The following RASAL2 variants were observed in gnomAD, a reference collection of about 807,000 sequenced individuals.
RASAL2 encodes RAS protein activator like 2.
Under a neutral mutation model 128.9 loss-of-function variants are expected in RASAL2, and 58 were observed. That is an observed-to-expected ratio of 0.45 (90% CI 0.36 to 0.56). RASAL2 has a LOEUF of 0.56. Ranked by LOEUF, RASAL2 falls within the 20% of genes least tolerant of loss-of-function variation. RASAL2 has a pLI of 0.00. For synonymous variants in RASAL2, 561 were observed against 580.8 expected (o/e 0.97, Z 0.49); for missense variants, 1,360 against 1,601.6 (o/e 0.85, Z 2.57).
Position 178,336,381 on chromosome 1 carries a change from C to T in RASAL2, c.457+36263C>T, listed in dbSNP as rs561741679. ...CCAAAGACTGATTGTACCATAAGAT[C>T]TATGCTTTTTCTAAATAGATTTTAT... is the stretch of plus-strand genomic sequence containing the variant. On this transcript the variant is annotated intron_variant, in intron 3 of 17. Transcript: ENST00000367649. Among the ~76,000 whole-genome samples the T allele has an allele frequency of 2.6e-5, 4 of 152,010 alleles. No individual in the cohort carries two copies. The South Asian group carries it at 8.3e-4, about 32-fold the overall frequency.
At chr1:178,267,162 A>G (rs1288415739) in intron 1 of RASAL2, among the ~76,000 whole-genome samples, 2 of 152,202 alleles carry the variant, frequency 1.3e-5, no homozygotes, top group Non-Finnish European at 2.9e-5. Context: ...TTAACAGATT[A>G]CATTGACTTT....
intron 3 of RASAL2, among the ~76,000 whole-genome samples, chr1:178,319,096 T>C (rs1325295360): frequency 6.6e-6 from 1 of 152,218 alleles, no homozygotes; most frequent in Non-Finnish European, 1.5e-5. Context: ...GAAAATTCTT[T>C]TCTTTAAGAA....
rs987973271 is a variant in RASAL2, at chr1:178,452,267, A to G, written c.1773-149A>G. On this transcript the variant is annotated intron_variant, in intron 10 of 17. Coordinates refer to ENST00000367649, the MANE Select transcript of RASAL2 (RefSeq NM_170692.4). ...AATTTTCCACCGCCTCTCAGCCATG[A>G]ATCAGGTAAAACCTCATCCCGGAAT... The G allele has an allele frequency of 4.4e-6, 3 of 687,918 alleles. No homozygotes were observed. In the African/African-American group the frequency reaches 5.4e-5, roughly 12 times the overall value. 42.6% of individuals were successfully genotyped at this position (687,918 alleles called of 1,614,324 possible).
intron 1 of RASAL2, among the ~76,000 whole-genome samples, chr1:178,276,713 C>T (rs978755440): frequency 5.3e-5 from 8 of 151,982 alleles, no homozygotes; most frequent in East Asian, 3.9e-4. Flanking sequence ...ATCATCTCCA[C>T]GTAACAACTC....
rs569694024 is a variant in RASAL2 at position 178,389,959 on chromosome 1, T to C, written c.458-141T>C. ...CTTGATAGTTTAAGCACCTCAAAGA[T>C]AGATAAATTATGTGAGATAGAATGT... On this transcript the variant is annotated intron_variant, in intron 3 of 17. Transcript: ENST00000367649. 2.4e-4 allele frequency: 136 copies of C among 556,484 alleles called. No individual in the cohort carries two copies. The African/African-American group carries it at 2.5e-3, about 10-fold the overall frequency. The allele number at this position is 556,484 out of a possible 1,614,324, so 34.5% of individuals were successfully genotyped here. A position where few individuals can be genotyped will look rare whatever the true frequency, so the allele number is the denominator to read the frequency against.
At chr1:178,260,391 T>A (rs71514845) in intron 1 of RASAL2, among the ~76,000 whole-genome samples, 1,818 of 46,814 alleles carry the variant, frequency 0.039, 468 homozygotes, top group Middle Eastern at 0.082. Context: ...TATATATATA[T>A]ATATATATAT....
chr1:178,408,612 G>GTTTTTTTTTTTTT lies in RASAL2; in HGVS notation c.565-11893_565-11892insTTTTTTTTTTTTT, dbSNP rs756656921. Among the ~76,000 whole-genome samples the GTTTTTTTTTTTTT allele has an allele frequency of 5.9e-4, 84 of 142,254 alleles. 1 individual carries two copies. Among genetic ancestry groups the GTTTTTTTTTTTTT allele is most frequent in the African/African-American group, 2.2e-3 (78 of 34,680 alleles). The allele number at this position is 142,254 out of a possible 152,430, so 93.3% of individuals were successfully genotyped here. A position where few individuals can be genotyped will look rare whatever the true frequency, so the allele number is the denominator to read the frequency against. Reference sequence around the variant, plus strand: ...GTTGTTGTTTGGTTGGTTTTTTTTTGTTTTTTGTTTTTTGTTTTGCTTCTC... The same window carrying GTTTTTTTTTTTTT: ...GTTGTTGTTTGGTTGGTTTTTTTTTGTTTTTTTTTTTTTTTTTTTGTTTTTTGTTTTGCTTCTC... On this transcript the variant is annotated intron_variant, in intron 4 of 17. Transcript: ENST00000367649.
intron 1 of RASAL2, among the ~76,000 whole-genome samples, chr1:178,261,653 G>A (rs973706703): frequency 5.9e-5 from 9 of 152,118 alleles, no homozygotes; most frequent in Non-Finnish European, 1.0e-4. Flanking sequence ...TGGGCGTGGT[G>A]ACTCAACGCG....
chr1:178,265,958 A>G (rs1399146008), intron 1 of RASAL2, among the ~76,000 whole-genome samples: 1 of 152,214 alleles, frequency 6.6e-6, no homozygotes, highest in Non-Finnish European at 1.5e-5. Flanking sequence ...TCTCCCTGGT[A>G]TATAGTATTT....
chr1:178,195,387 T>C (rs1217805564), intron 1 of RASAL2, among the ~76,000 whole-genome samples: 1 of 152,238 alleles, frequency 6.6e-6, no homozygotes, highest in Non-Finnish European at 1.5e-5. Flanking sequence ...TGTGAATTAG[T>C]GTAAGGTTAA....
chr1:178,325,534 T>C (rs1182222821), intron 3 of RASAL2, among the ~76,000 whole-genome samples: 1 of 152,134 alleles, frequency 6.6e-6, no homozygotes, highest in Non-Finnish European at 1.5e-5. Context: ...AGATAATACA[T>C]TGGGTGTGAC....
At chr1:178,423,916 T>C (rs1213536215) in intron 5 of RASAL2, among the ~76,000 whole-genome samples, 1 of 152,054 alleles carries the variant, frequency 6.6e-6, no homozygotes, top group Non-Finnish European at 1.5e-5. Flanking sequence ...TTAATAAAAT[T>C]TTTCTCCCAA....
intron 2 of RASAL2, among the ~76,000 whole-genome samples, chr1:178,292,918 G>C (rs893332721): frequency 6.6e-6 from 1 of 152,044 alleles, no homozygotes; most frequent in Non-Finnish European, 1.5e-5. Context: ...TAGGCAGCAA[G>C]GCATTTAAAA....
chr1:178,279,616 A>T (rs1249425188), intron 1 of RASAL2, among the ~76,000 whole-genome samples: 1 of 152,166 alleles, frequency 6.6e-6, no homozygotes, highest in Non-Finnish European at 1.5e-5. Flanking sequence ...TGATAGTTTA[A>T]AACTATTTTT....
chr1:178,164,038 A>G (rs973647531), intron 1 of RASAL2, among the ~76,000 whole-genome samples: 1 of 152,232 alleles, frequency 6.6e-6, no homozygotes, highest in Non-Finnish European at 1.5e-5. Context: ...AGGGAAAATA[A>G]TAAAGCATAT....
rs78607358 is a variant in RASAL2 at position 178,144,360 on chromosome 1, T to A, written c.202+49666T>A. ...GGAATGAGTTCAACATATATTACAA[T>A]TTCCCCTTTTTAAAAATCATGTTAT... On this transcript the variant is annotated intron_variant, in intron 1 of 17. Coordinates refer to ENST00000367649, the MANE Select transcript of RASAL2 (RefSeq NM_170692.4). 7.4e-4 allele frequency among the ~76,000 whole-genome samples: 113 copies of A among 152,330 alleles called. No homozygotes were observed. In the East Asian group the frequency reaches 0.013, roughly 17 times the overall value.
chr1:178,430,703 TAAATG>T (rs759697812), intron 5 of RASAL2, among the ~76,000 whole-genome samples: 8 of 152,084 alleles, frequency 5.3e-5, no homozygotes, highest in South Asian at 2.1e-4. Context: ...ACACATATCT[TAAATG>T]AGATAACTGA....
intron 1 of RASAL2, among the ~76,000 whole-genome samples, chr1:178,252,823 T>C (rs1413041639): frequency 6.6e-6 from 1 of 152,208 alleles, no homozygotes; most frequent in Non-Finnish European, 1.5e-5. Flanking sequence ...CTAAATCCAG[T>C]TCGTCAGCAA....
intron 3 of RASAL2, among the ~76,000 whole-genome samples, chr1:178,324,065 C>T (rs1557902150): frequency 6.6e-6 from 1 of 152,178 alleles, no homozygotes; most frequent in Non-Finnish European, 1.5e-5. Flanking sequence ...CATATGCTCT[C>T]ATCATTAACT....
Sources: allele counts gnomAD v4.1 joint callset (sites outside exome capture counted in the v4.1 genomes callset), GRCh38; gene constraint gnomAD v4.1.1; transcripts MANE v1.5; gene names NCBI Gene and HGNC (gene_info 2026-07-23, HGNC 2026-07-21).